PRELID2: variants seen among roughly 807,000 people sequenced by gnomAD.
PRELID2 encodes the protein PRELI domain containing 2.
In PRELID2, 25 loss-of-function variants were observed where a neutral mutation model predicts 28.4. The observed-to-expected ratio is 0.88, with a 90% CI of 0.64 to 1.23. PRELID2 has a LOEUF of 1.23. Among genes scored for constraint, PRELID2 ranks in the 50% most tolerant of loss-of-function variants. The pLI is 0.00. For missense variants in PRELID2, 201 were observed against 214.4 expected (o/e 0.94, Z 0.39); for synonymous variants, 76 against 71.6 (o/e 1.06, Z -0.31).
chr5:145,778,843 G>T (rs1344966817), intron 5 of PRELID2, among the ~76,000 whole-genome samples: 1 of 152,198 alleles, frequency 6.6e-6, no homozygotes, highest in African/African-American at 2.4e-5. Flanking sequence ...GTAAAACTCA[G>T]GCAAAGGTGT....
intron 3 of PRELID2, chr5:145,819,581 T>C (rs1418321134): frequency 1.7e-5 from 10 of 585,992 alleles, no homozygotes; most frequent in Non-Finnish European, 3.0e-5. Context: ...CTCTTTCTTA[T>C]TAAAGATGAG....
the PRELID2 span, among the ~76,000 whole-genome samples, chr5:145,317,603 C>CT: frequency 6.6e-6 from 1 of 152,182 alleles, no homozygotes; most frequent in Non-Finnish European, 1.5e-5. Context: ...TGGCACAAGA[C>CT]TGGGGGGTGG....
At chr5:145,390,975 A>C in the PRELID2 span, among the ~76,000 whole-genome samples, 86 of 152,312 alleles carry the variant, frequency 5.6e-4, no homozygotes, top group Non-Finnish European at 1.6e-4. Context: ...CATTGACTCC[A>C]TGTCTCACAT....
intron 1 of PRELID2, among the ~76,000 whole-genome samples, chr5:145,707,571 C>A (rs776600382): frequency 5.9e-5 from 9 of 152,148 alleles, no homozygotes; most frequent in Non-Finnish European, 1.2e-4. Flanking sequence ...AAATGGTGGC[C>A]TTTAGAATTG....
intron 1 of PRELID2, among the ~76,000 whole-genome samples, chr5:145,514,263 C>A (rs1006647553): frequency 7.1e-6 from 1 of 140,432 alleles, no homozygotes; most frequent in Non-Finnish European, 1.5e-5. Flanking sequence ...TGTGCACAGA[C>A]ACACATAGGC....
intron 1 of PRELID2, among the ~76,000 whole-genome samples, chr5:145,610,545 A>G (rs1188777023): frequency 1.3e-5 from 2 of 152,214 alleles, no homozygotes; most frequent in Non-Finnish European, 2.9e-5. Flanking sequence ...CACCTAGCCA[A>G]TCCACAAGCT....
At chr5:145,332,239 G>A in the PRELID2 span, among the ~76,000 whole-genome samples, 2 of 152,132 alleles carry the variant, frequency 1.3e-5, no homozygotes, top group African/African-American at 4.8e-5. Context: ...TGAGGATTAT[G>A]TGTCTTGGGG....
chr5:145,348,232 C>T, the PRELID2 span, among the ~76,000 whole-genome samples: 1 of 152,102 alleles, frequency 6.6e-6, no homozygotes, highest in Non-Finnish European at 1.5e-5. Context: ...ATTGCCCTAC[C>T]ATTTCCCTTA....
the PRELID2 span, among the ~76,000 whole-genome samples, chr5:145,283,056 C>G: frequency 6.6e-6 from 1 of 152,264 alleles, no homozygotes; most frequent in Non-Finnish European, 1.5e-5. Flanking sequence ...CTTGCTGCCT[C>G]TTAAGGCCAC....
chr5:145,648,053 T>A (rs541347452), intron 1 of PRELID2, among the ~76,000 whole-genome samples: 6 of 152,232 alleles, frequency 3.9e-5, no homozygotes, highest in Non-Finnish European at 8.8e-5. Flanking sequence ...ATTGCTTCAC[T>A]GCCCATTTTG....
At chr5:145,829,139 G>C (rs983783087) in intron 1 of PRELID2, among the ~76,000 whole-genome samples, 1 of 152,048 alleles carries the variant, frequency 6.6e-6, no homozygotes, top group African/African-American at 2.4e-5. Flanking sequence ...AGGCTCAAGT[G>C]ATCAACCCAA....
the PRELID2 span, among the ~76,000 whole-genome samples, chr5:145,347,870 A>C: frequency 6.6e-6 from 1 of 152,162 alleles, no homozygotes; most frequent in Admixed American, 6.6e-5. Context: ...TCTAAAAATG[A>C]AAGTCTATTT....
At chr5:145,333,832 A>AAAC in the PRELID2 span, among the ~76,000 whole-genome samples, 1 of 151,708 alleles carries the variant, frequency 6.6e-6, no homozygotes, top group Non-Finnish European at 1.5e-5. Flanking sequence ...AAAAAAAAAA[A>AAAC]AAAACTCCTG....
At chr5:145,549,652 G>T (rs919022849) in intron 1 of PRELID2, among the ~76,000 whole-genome samples, 1 of 152,038 alleles carries the variant, frequency 6.6e-6, no homozygotes, top group South Asian at 2.1e-4. Context: ...AAAATTAGCC[G>T]GGCATGGTGG....
rs1236116151 is a variant in PRELID2, at chr5:145,757,830, A to C, written c.*2706T>G. Among the ~76,000 whole-genome samples the C allele has an allele frequency of 1.3e-5, 2 of 151,884 alleles. No homozygotes were observed. Among genetic ancestry groups the C allele is most frequent in the African/African-American group, 4.8e-5 (2 of 41,470 alleles). The stretch of plus-strand genomic sequence containing the variant: ...AAAAAGTAAATGAAAAAAAAAAAAA[A>C]AAAGACCATAAAATTTCTAAGCCAT... On this transcript the variant is annotated 3_prime_UTR_variant, in exon 7 of 7. Transcript: ENST00000683046.
chr5:145,655,401 T>C (rs1322041290), intron 1 of PRELID2, among the ~76,000 whole-genome samples: 4 of 152,296 alleles, frequency 2.6e-5, no homozygotes, highest in African/African-American at 9.6e-5. Context: ...AAAAACTACT[T>C]TAAAGTTCAT....
intron 1 of PRELID2, among the ~76,000 whole-genome samples, chr5:145,713,538 T>A (rs1159665821): frequency 2.1e-5 from 3 of 143,006 alleles, no homozygotes; most frequent in African/African-American, 7.6e-5. Context: ...TTAAAGTGCT[T>A]TATATATATA....
chr5:145,328,398 C>A, the PRELID2 span, among the ~76,000 whole-genome samples: 17 of 152,218 alleles, frequency 1.1e-4, no homozygotes, highest in Non-Finnish European at 2.2e-4. Flanking sequence ...TACACTCCCA[C>A]CAACAGTGTA....
chr5:145,717,303 C>A (rs1000155241), intron 1 of PRELID2, among the ~76,000 whole-genome samples: 1 of 151,992 alleles, frequency 6.6e-6, no homozygotes, highest in Admixed American at 6.6e-5. Flanking sequence ...CATGAGGTTT[C>A]TTTGAGGGTG....
Sources: allele counts gnomAD v4.1 joint callset (sites outside exome capture counted in the v4.1 genomes callset), GRCh38; gene constraint gnomAD v4.1.1; transcripts MANE v1.5; gene names NCBI Gene and HGNC (gene_info 2026-07-23, HGNC 2026-07-21).